TMOD2: variants seen among roughly 807,000 people sequenced by gnomAD.
The protein encoded by TMOD2 is tropomodulin-2.
TMOD2 carries 22 observed loss-of-function variants against 39.9 expected under a neutral mutation model. That is an observed-to-expected ratio of 0.55 (90% CI 0.39 to 0.79). The LOEUF (loss-of-function observed/expected upper bound fraction) is 0.79, where lower values mean the gene tolerates loss of function less well. Ranked by LOEUF, TMOD2 falls within the 30% of genes least tolerant of loss-of-function variation. TMOD2 has a pLI of 0.00. For missense variants in TMOD2, 386 were observed against 413.3 expected (o/e 0.93, Z 0.57); for synonymous variants, 123 against 146.1 (o/e 0.84, Z 1.14).
chr15:51,786,002 G>A (rs1012121807), intron 7 of TMOD2, among the ~76,000 whole-genome samples: 1 of 151,930 alleles, frequency 6.6e-6, no homozygotes, highest in South Asian at 2.1e-4. Context: ...TCATAGTATA[G>A]TCTATAAAAA....
rs1250400037 is a variant in TMOD2, at chr15:51,795,589, T to G, written c.733-2608T>G. Reference sequence around the variant, plus strand: ...TGCTTGCTTGCTTGCTTTCTTTCTTTCTTTCTTTCTTTCTTTCTTTCTTTC... The same window carrying G: ...TGCTTGCTTGCTTGCTTTCTTTCTTGCTTTCTTTCTTTCTTTCTTTCTTTC... On this transcript the variant is annotated intron_variant, in intron 7 of 9. Coordinates refer to ENST00000249700, the MANE Select transcript of TMOD2 (RefSeq NM_014548.4). Among the ~76,000 whole-genome samples the G allele has an allele frequency of 6.3e-3, 325 of 51,712 alleles. 5 individuals are homozygous for G. The highest frequency in any genetic ancestry group is 0.016 in the African/African-American group (252 of 16,174). 33.9% of individuals were successfully genotyped at this position (51,712 alleles called of 152,430 possible).
intron 2 of TMOD2, 83 bp from the exon 3 acceptor site, chr15:51,768,171 CCCAGCACA>C: frequency 6.8e-7 from 1 of 1,476,824 alleles, no homozygotes. Context: ...TTCCTGCTTC[CCCAGCACA>C]TAGTGAGTGG....
chr15:51,803,138 G>A (rs981343719), intron 8 of TMOD2, among the ~76,000 whole-genome samples: 6 of 148,448 alleles, frequency 4.0e-5, no homozygotes, highest in African/African-American at 1.5e-4. Flanking sequence ...TAGCATTTTG[G>A]AACAAAATTA....
At chr15:51,781,706 C>T (rs2055931135) in intron 6 of TMOD2, among the ~76,000 whole-genome samples, 1 of 152,192 alleles carries the variant, frequency 6.6e-6, no homozygotes, top group Non-Finnish European at 1.5e-5. Context: ...CAGGAAGCCA[C>T]AATACCTGTT....
At chr15:51,780,579 TC>T (rs2055922823) in intron 5 of TMOD2, among the ~76,000 whole-genome samples, 1 of 152,164 alleles carries the variant, frequency 6.6e-6, no homozygotes, top group African/African-American at 2.4e-5. Flanking sequence ...CCCCATACCT[TC>T]CTTAAAACTA....
At position 51,780,894 on chromosome 15, in the gene TMOD2, A is replaced by G. The variant is rs1340174301; in HGVS notation, c.494-150A>G. On this transcript the variant is annotated intron_variant, in intron 5 of 9. Transcript: ENST00000249700. ...TGTGACTCATAGCTATACCACTCCCATGCTTGCTTAGCTGAGAATACACCT... is the reference window on the plus strand; with the variant it reads ...TGTGACTCATAGCTATACCACTCCCGTGCTTGCTTAGCTGAGAATACACCT... 3 of 631,476 alleles carry G rather than the reference A, an allele frequency of 4.8e-6. No individual in the cohort carries two copies. In the African/African-American group the frequency reaches 5.6e-5, roughly 12 times the overall value. 39.1% of individuals were successfully genotyped at this position (631,476 alleles called of 1,614,324 possible). A position where few individuals can be genotyped will look rare whatever the true frequency, so the allele number is the denominator to read the frequency against.
In TMOD2 at chr15:51,801,235, TCTCA is replaced by T. The variant is rs1341335180; in HGVS notation, c.876+2897_876+2900del. Reference sequence around the variant, plus strand: ...CTCTCTCCCTCTCTCTCTCTCTCTCTCTCACACACACACACACACACACACACAC... The same window carrying T: ...CTCTCTCCCTCTCTCTCTCTCTCTCTCACACACACACACACACACACACAC... On this transcript the variant is annotated intron_variant, in intron 8 of 9. Transcript: ENST00000249700. 9.7e-3 allele frequency among the ~76,000 whole-genome samples: 1,058 copies of T among 108,926 alleles called. 5 individuals carry two copies. The highest frequency in any genetic ancestry group is 0.019 in the Middle Eastern group (4 of 214). 71.5% of individuals were successfully genotyped at this position (108,926 alleles called of 152,430 possible).
intron 7 of TMOD2, among the ~76,000 whole-genome samples, chr15:51,794,776 C>G (rs1277224937): frequency 6.6e-6 from 1 of 152,078 alleles, no homozygotes; most frequent in African/African-American, 2.4e-5. Context: ...ATTTTTTATT[C>G]TCTATTATAA....
At chr15:51,798,569 A>G (rs1019614091) in intron 8 of TMOD2, among the ~76,000 whole-genome samples, 1 of 152,230 alleles carries the variant, frequency 6.6e-6, no homozygotes, top group African/African-American at 2.4e-5. Context: ...AGAGCCATCT[A>G]TCCCACAACC....
chr15:51,773,910 G>C (rs1399122384), intron 4 of TMOD2, 76 bp downstream of exon 4: 13 of 1,487,258 alleles, frequency 8.7e-6, no homozygotes, highest in Non-Finnish European at 1.2e-5. Context: ...ATGGCAGCAG[G>C]CTTTGAGCTT....
At chr15:51,808,018 C>T (rs11631530) in intron 9 of TMOD2, among the ~76,000 whole-genome samples, 12,024 of 152,238 alleles carry the variant, frequency 0.079, 637 homozygotes, top group Non-Finnish European at 0.12. Flanking sequence ...TCCTTCCAGA[C>T]TTCATCCCAT....
intron 8 of TMOD2, among the ~76,000 whole-genome samples, chr15:51,801,235 TCTCACACACACACA>T (rs1461922791): frequency 1.7e-4 from 19 of 108,984 alleles, no homozygotes; most frequent in South Asian, 8.7e-4. Flanking sequence ...TCTCTCTCTC[TCTCACACACACACA>T]CACACACACA....
At chr15:51,762,696 A>T (rs956296250) in intron 1 of TMOD2, among the ~76,000 whole-genome samples, 1 of 152,124 alleles carries the variant, frequency 6.6e-6, no homozygotes, top group Non-Finnish European at 1.5e-5. Flanking sequence ...CATTCCTCTC[A>T]TCAGCCCCTC....
At chr15:51,799,588 G>A (rs4775983) in intron 8 of TMOD2, among the ~76,000 whole-genome samples, 67,612 of 151,998 alleles carry the variant, frequency 0.44, 15,320 homozygotes, top group Admixed American at 0.53. Flanking sequence ...CCACCAAAAC[G>A]GCTTTCCTAG....
rs1263709622 is a variant in TMOD2 at position 51,781,169 on chromosome 15, A to T, written c.619A>T (p.Ile207Phe). 6 of 1,602,412 alleles carry T rather than the reference A, an allele frequency of 3.7e-6. No individual in the cohort carries two copies. In the Admixed American group the frequency reaches 8.9e-5, roughly 24 times the overall value. Residue 207 changes from isoleucine (I) to phenylalanine (F), a missense_variant, in exon 6 of 10, where the codon ATT (isoleucine) becomes TTT (phenylalanine). Physicochemically the swap from Ile to Phe is conservative, Grantham distance 21. Coordinates refer to ENST00000249700, the MANE Select transcript of TMOD2 (RefSeq NM_014548.4). ...PSLQEVNLNN[I>F]KNIPIPTLRE... ...CTTGCAAGAAGTCAACCTCAACAACATTAAGGTATTTCATTGTGATTATCA... is the reference window on the plus strand; with the variant it reads ...CTTGCAAGAAGTCAACCTCAACAACTTTAAGGTATTTCATTGTGATTATCA...
At chr15:51,768,541 A>T (rs1048123922) in intron 3 of TMOD2, 123 bp downstream of exon 3, 1 of 994,918 alleles carries the variant, frequency 1.0e-6, no homozygotes, top group Non-Finnish European at 1.5e-6. Flanking sequence ...AAGCAAGGGA[A>T]CTGTCCCAGA....
rs8034090 is a variant in TMOD2 at position 51,776,917 on chromosome 15, G to A, written c.407-15G>A. On this transcript the variant is annotated splice_polypyrimidine_tract_variant and intron_variant, in intron 4 of 9. Coordinates refer to ENST00000249700, the MANE Select transcript of TMOD2 (RefSeq NM_014548.4). Reference sequence around the variant, plus strand: ...GCTTCTCCAAACTTAATGCTCATTTGTTGACTGTTTTTAGCTGTCCTTGGA... The same window carrying A: ...GCTTCTCCAAACTTAATGCTCATTTATTGACTGTTTTTAGCTGTCCTTGGA... 1.6e-3 allele frequency: 2,523 copies of A among 1,610,740 alleles called. 35 individuals carry two copies. The African/African-American group carries it at 0.03, about 19-fold the overall frequency.
intron 1 of TMOD2, among the ~76,000 whole-genome samples, chr15:51,758,732 C>G (rs1238727170): frequency 6.6e-6 from 1 of 151,894 alleles, no homozygotes; most frequent in Admixed American, 6.6e-5. Flanking sequence ...GGGGAGTGAC[C>G]CAGACCTTGT....
chr15:51,787,713 A>G (rs967862991), intron 7 of TMOD2, among the ~76,000 whole-genome samples: 1 of 152,226 alleles, frequency 6.6e-6, no homozygotes, highest in African/African-American at 2.4e-5. Context: ...TACCCAGGAA[A>G]ACAGGGTCTG....
Sources: allele counts gnomAD v4.1 joint callset (sites outside exome capture counted in the v4.1 genomes callset), GRCh38; gene constraint gnomAD v4.1.1; transcripts MANE v1.5; gene names NCBI Gene and HGNC (gene_info 2026-07-23, HGNC 2026-07-21).